Variants in AFF1 observed in about 807,000 individuals in gnomAD.
AFF1 encodes the protein ALF transcription elongation factor 1.
In AFF1, 48 loss-of-function variants were observed where a neutral mutation model predicts 121.7. The observed-to-expected ratio is 0.39, with a 90% CI of 0.31 to 0.50. The LOEUF is 0.50. AFF1 is among the 20% of genes least tolerant of loss of function. The pLI is 0.76. For missense variants in AFF1, 1,523 were observed against 1,511.7 expected, an observed-to-expected ratio of 1.01 and a Z score of -0.12; for synonymous variants, 613 against 563.0, an observed-to-expected ratio of 1.09 and a Z score of -1.26.
intron 2 of AFF1, among the ~76,000 whole-genome samples, chr4:86,982,848 CAAAAAAAAAAAAA>C (rs59568294): frequency 5.6e-5 from 3 of 53,804 alleles, no homozygotes; most frequent in South Asian, 9.9e-4. Context: ...ACTCTGTCTC[CAAAAAAAAAAAAA>C]AAAAAAAAAA....
intron 6 of AFF1, among the ~76,000 whole-genome samples, chr4:87,090,553 C>A (rs1724193834): frequency 1.3e-5 from 2 of 152,086 alleles, no homozygotes; most frequent in Admixed American, 6.5e-5. Flanking sequence ...AAAACACTGC[C>A]ATTCTCCTTT....
At chr4:87,118,836 A>G (rs1727376322) in intron 12 of AFF1, among the ~76,000 whole-genome samples, 1 of 152,234 alleles carries the variant, frequency 6.6e-6, no homozygotes, top group South Asian at 2.1e-4. Flanking sequence ...CAAGGCAGTG[A>G]AAGCAGAGAT....
At chr4:87,091,683 T>C (rs1724327397) in intron 6 of AFF1, 110 bp from the exon 7 acceptor site, 5 of 717,560 alleles carry the variant, frequency 7.0e-6, no homozygotes, top group African/African-American at 1.9e-5. Flanking sequence ...TTTCTAGATA[T>C]TTGAAAGTTT....
rs549510832 is a variant in AFF1 at position 87,081,152 on chromosome 4, A to ATTTTTTTTTTTTT, written c.1060-2953_1060-2941dup. 6.1e-4 allele frequency among the ~76,000 whole-genome samples: 55 copies of ATTTTTTTTTTTTT among 89,718 alleles called. 7 individuals carry two copies. The highest frequency in any genetic ancestry group is 2.4e-3 in the African/African-American group (55 of 22,706). 58.9% of individuals were successfully genotyped at this position (89,718 alleles called of 152,430 possible). A position where few individuals can be genotyped will look rare whatever the true frequency, so the allele number is the denominator to read the frequency against. ...TTGTAGTTTTTCTCTAATGAAATGA[A>ATTTTTTTTTTTTT]TTTTTTTTTTTTTTTTTTTTTTTTT... On this transcript the variant is annotated intron_variant, in intron 4 of 20. Coordinates refer to ENST00000395146, the MANE Select transcript of AFF1 (RefSeq NM_001166693.3).
intron 11 of AFF1, among the ~76,000 whole-genome samples, chr4:87,111,799 C>G (rs1726568484): frequency 6.6e-6 from 1 of 152,286 alleles, no homozygotes; most frequent in African/African-American, 2.4e-5. Flanking sequence ...CACAACTACT[C>G]AATTTTACCC....
At chr4:86,935,583 G>T (rs1335095911) in intron 1 of AFF1, 1 of 152,262 alleles carries the variant, frequency 6.6e-6, no homozygotes. Context: ...CTGTCCCGTT[G>T]TTGGGACCTG....
chr4:87,061,058 CTGT>C (rs993210314), intron 4 of AFF1, among the ~76,000 whole-genome samples: 1 of 152,120 alleles, frequency 6.6e-6, no homozygotes, highest in Non-Finnish European at 1.5e-5. Flanking sequence ...AAACACTGGT[CTGT>C]TGTTCTGAAC....
chr4:87,008,807 GAA>G (rs1726434813), intron 2 of AFF1, among the ~76,000 whole-genome samples: 1 of 152,112 alleles, frequency 6.6e-6, no homozygotes, highest in Admixed American at 6.5e-5. Context: ...CAGTAGTAAA[GAA>G]AAACACTACT....
At chr4:87,002,006 A>C (rs888124228) in intron 2 of AFF1, among the ~76,000 whole-genome samples, 1 of 152,224 alleles carries the variant, frequency 6.6e-6, no homozygotes, top group East Asian at 1.9e-4. Context: ...CAAAGGGTAG[A>C]ATTGTTGAAT....
At chr4:87,063,508 G>T (rs1338356881) in intron 4 of AFF1, among the ~76,000 whole-genome samples, 1 of 151,898 alleles carries the variant, frequency 6.6e-6, no homozygotes, top group Non-Finnish European at 1.5e-5. Context: ...CAAAGTGCTG[G>T]GATTGCAGGC....
intron 2 of AFF1, among the ~76,000 whole-genome samples, chr4:86,983,511 A>G (rs1217581700): frequency 6.6e-6 from 1 of 151,700 alleles, no homozygotes; most frequent in African/African-American, 2.4e-5. Context: ...CCTGGGCAAC[A>G]AGAGCGAGAC....
At chr4:86,971,525 G>C (rs1578871313) in intron 2 of AFF1, among the ~76,000 whole-genome samples, 1 of 152,208 alleles carries the variant, frequency 6.6e-6, no homozygotes, top group Non-Finnish European at 1.5e-5. Context: ...CTTGGAACCA[G>C]CTGTTCCTTG....
intron 2 of AFF1, among the ~76,000 whole-genome samples, chr4:86,983,388 T>G (rs1205375421): frequency 6.6e-6 from 1 of 151,966 alleles, no homozygotes; most frequent in East Asian, 1.9e-4. Context: ...CAGCCGGGCA[T>G]GGTGGCACAT....
At position 87,114,843 on chromosome 4, in the gene AFF1, G is replaced by C. The variant is rs751309493; in HGVS notation, c.2010G>C (p.Val670=). 1.9e-6 allele frequency: 3 copies of C among 1,613,820 alleles called. No homozygotes were observed. Among genetic ancestry groups the C allele is most frequent in the Non-Finnish European group, 2.5e-6 (3 of 1,179,888 alleles). Residue 670 remains valine (V), a synonymous_variant, in exon 12 of 21, where the codon GTG becomes GTC. Transcript: ENST00000395146. ...AAASNEPKPA[V]PPSSEKKKHK... ...CAAGCAACGAACCCAAGCCAGCAGT[G>C]CCCCCCTCCAGTGAGAAGAAGAAGC...
intron 2 of AFF1, among the ~76,000 whole-genome samples, chr4:87,001,018 G>A (rs1725669041): frequency 6.6e-6 from 1 of 151,960 alleles, no homozygotes; most frequent in Admixed American, 6.6e-5. Context: ...TCAGGCATAG[G>A]CACCTTGCCG....
chr4:86,968,599 T>C (rs1722698112), intron 2 of AFF1, among the ~76,000 whole-genome samples: 1 of 152,166 alleles, frequency 6.6e-6, no homozygotes, highest in Admixed American at 6.5e-5. Flanking sequence ...GTATGGGAAA[T>C]AGCAACTCTT....
intron 4 of AFF1, among the ~76,000 whole-genome samples, chr4:87,050,102 A>G (rs75604862): frequency 0.042 from 6,436 of 152,238 alleles, 433 homozygotes; most frequent in African/African-American, 0.15. Context: ...GTAGAGATGT[A>G]GGACCAAAAA....
At chr4:86,977,143 A>G (rs768551006) in intron 2 of AFF1, among the ~76,000 whole-genome samples, 131 of 152,190 alleles carry the variant, frequency 8.6e-4, no homozygotes, top group Non-Finnish European at 1.7e-3. Flanking sequence ...TGAGACAGAT[A>G]CATTCTAAGA....
intron 2 of AFF1, among the ~76,000 whole-genome samples, chr4:87,023,521 T>C (rs1253044428): frequency 6.6e-6 from 1 of 152,236 alleles, no homozygotes; most frequent in East Asian, 1.9e-4. Context: ...CTTTTTTCAC[T>C]ATATTTTCAT....
Sources: gnomAD v4.1 joint callset for allele counts (sites outside exome capture counted in the v4.1 genomes callset) on GRCh38, gnomAD v4.1.1 for gene constraint, MANE v1.5 for transcripts, NCBI Gene and HGNC (gene_info 2026-07-23, HGNC 2026-07-21) for gene names.